The following CLINT1 variants were observed in gnomAD, a reference collection of about 807,000 sequenced individuals.
CLINT1 encodes clathrin interactor 1.
In CLINT1, 15 loss-of-function variants were observed where a neutral mutation model predicts 70.4. That is an observed-to-expected ratio of 0.21 (90% CI 0.14 to 0.33). The LOEUF is 0.33. Ranked by LOEUF, CLINT1 falls within the 10% of genes least tolerant of loss-of-function variation. CLINT1 has a pLI of 1.00. For missense variants in CLINT1, 615 were observed against 778.1 expected (o/e 0.79, Z 2.49); for synonymous variants, 227 against 254.7 (o/e 0.89, Z 1.04).
chr5:157,846,079 A>G (rs1262352848), intron 1 of CLINT1, among the ~76,000 whole-genome samples: 1 of 152,156 alleles, frequency 6.6e-6, no homozygotes, highest in Non-Finnish European at 1.5e-5. Context: ...CACAATATTG[A>G]CATTAGGTCA....
At chr5:157,837,048 C>A (rs1434919346) in intron 1 of CLINT1, among the ~76,000 whole-genome samples, 4 of 152,156 alleles carry the variant, frequency 2.6e-5, no homozygotes, top group Non-Finnish European at 5.9e-5. Context: ...ACACTTTATT[C>A]CCCTTGGGAT....
chr5:157,789,528 G>T lies in CLINT1; in HGVS notation c.1381-15C>A, dbSNP rs1265447232. ...ATATCTGTATTCTGATTATAGAGAGGATTAGGCTTCTGCAGCACTGTGCTA... is the reference window on the plus strand; with the variant it reads ...ATATCTGTATTCTGATTATAGAGAGTATTAGGCTTCTGCAGCACTGTGCTA... On this transcript the variant is annotated splice_polypyrimidine_tract_variant and intron_variant, in intron 10 of 11. Transcript: ENST00000411809. The T allele has an allele frequency of 1.9e-6, 3 of 1,613,830 alleles. No individual in the cohort carries two copies. The highest frequency in any genetic ancestry group is 2.5e-6 in the Non-Finnish European group (3 of 1,179,862).
At chr5:157,819,725 T>C (rs1762825097) in intron 1 of CLINT1, among the ~76,000 whole-genome samples, 2 of 152,218 alleles carry the variant, frequency 1.3e-5, no homozygotes, top group South Asian at 4.1e-4. Flanking sequence ...CACCCAAGCA[T>C]TTCATTACCA....
In CLINT1 at chr5:157,813,116, T is replaced by C. The variant is rs1226339497; in HGVS notation, c.464A>G (p.Asn155Ser). Residue 155 changes from asparagine (N) to serine (S), a missense_variant, in exon 5 of 12, where the codon AAC becomes AGC. Physicochemically the swap from Asn to Ser is conservative, Grantham distance 46. This residue lies in a region of CLINT1 where 241 missense variants were observed against 368.6 expected (regional missense o/e 0.65). Coordinates refer to ENST00000411809, the MANE Select transcript of CLINT1 (RefSeq NM_014666.4). ...GGAAACCCCAACATACTTGTCTTTG[T>C]TCTTCTTTGCTTTCTTTCGCTCTTC... is the stretch of plus-strand genomic sequence containing the variant. The part of the protein sequence containing the change: ...LREERKKAKK[N>S]KDKYVGVSSD... 6.2e-6 allele frequency: 10 copies of C among 1,613,834 alleles called. No homozygotes were observed. The highest frequency in any genetic ancestry group is 8.5e-6 in the Non-Finnish European group (10 of 1,179,858).
chr5:157,802,434 G>A (rs367766637), intron 8 of CLINT1, among the ~76,000 whole-genome samples: 1 of 151,816 alleles, frequency 6.6e-6, no homozygotes, highest in Non-Finnish European at 1.5e-5. Flanking sequence ...GAAAACAATT[G>A]ATCAGAAATT....
chr5:157,833,455 C>G (rs1763311680), intron 1 of CLINT1, among the ~76,000 whole-genome samples: 1 of 152,172 alleles, frequency 6.6e-6, no homozygotes, highest in Non-Finnish European at 1.5e-5. Context: ...GTCATTCTCT[C>G]CTGAAGAATA....
intron 8 of CLINT1, 78 bp from the exon 9 acceptor site, chr5:157,795,050 A>G (rs1230815777): frequency 8.7e-7 from 1 of 1,150,436 alleles, no homozygotes; most frequent in Non-Finnish European, 1.3e-6. Flanking sequence ...TTTTAGTGCC[A>G]CACAAAAAGT....
At chr5:157,802,924 T>C (rs1208955528) in intron 8 of CLINT1, among the ~76,000 whole-genome samples, 1 of 152,230 alleles carries the variant, frequency 6.6e-6, no homozygotes, top group Non-Finnish European at 1.5e-5. Context: ...CCATTGTTTA[T>C]CACTAGATAA....
At chr5:157,825,664 C>T (rs567050381) in intron 1 of CLINT1, among the ~76,000 whole-genome samples, 193 of 152,208 alleles carry the variant, frequency 1.3e-3, no homozygotes, top group Non-Finnish European at 2.5e-3. Flanking sequence ...ACACCACTTC[C>T]AATTTTTTCC....
intron 5 of CLINT1, among the ~76,000 whole-genome samples, chr5:157,810,050 A>G (rs923402418): frequency 2.6e-5 from 4 of 152,254 alleles, no homozygotes; most frequent in Non-Finnish European, 5.9e-5. Context: ...AATGCACAGC[A>G]CAGCATATCA....
intron 8 of CLINT1, among the ~76,000 whole-genome samples, chr5:157,801,363 C>T (rs1350660632): frequency 3.3e-5 from 5 of 151,756 alleles, no homozygotes; most frequent in African/African-American, 7.3e-5. Flanking sequence ...AAAAATCAGC[C>T]GGGCGTGGTG....
chr5:157,834,791 T>C (rs947785996), intron 1 of CLINT1, among the ~76,000 whole-genome samples: 2 of 152,202 alleles, frequency 1.3e-5, no homozygotes, highest in African/African-American at 4.8e-5. Flanking sequence ...ATTACATTTT[T>C]AAACTCTTAT....
At chr5:157,841,480 C>T (rs929580187) in intron 1 of CLINT1, among the ~76,000 whole-genome samples, 22 of 150,920 alleles carry the variant, frequency 1.5e-4, no homozygotes, top group African/African-American at 5.1e-4. Flanking sequence ...GCAGAAGAAT[C>T]GCTTGAACCT....
intron 1 of CLINT1, among the ~76,000 whole-genome samples, chr5:157,844,380 A>G (rs1310504786): frequency 1.3e-5 from 2 of 152,058 alleles, no homozygotes; most frequent in African/African-American, 4.8e-5. Flanking sequence ...GTCATTTTCT[A>G]TTTTTCATGC....
chr5:157,817,838 C>T (rs1220869188), intron 1 of CLINT1, among the ~76,000 whole-genome samples: 6 of 151,988 alleles, frequency 3.9e-5, no homozygotes, highest in African/African-American at 1.5e-4. Context: ...TTAAAAAAAA[C>T]AAAAACAAAA....
chr5:157,801,825 T>C (rs2113161968), intron 8 of CLINT1, among the ~76,000 whole-genome samples: 1 of 152,240 alleles, frequency 6.6e-6, no homozygotes, highest in African/African-American at 2.4e-5. Flanking sequence ...GGGCTTTATA[T>C]TACATTAATT....
intron 10 of CLINT1, chr5:157,790,538 G>T: frequency 2.6e-6 from 1 of 390,194 alleles, no homozygotes; most frequent in Non-Finnish European, 4.9e-6. Flanking sequence ...TGCAAATAAA[G>T]TAGACTGACT....
At chr5:157,834,143 A>G (rs1036512581) in intron 1 of CLINT1, among the ~76,000 whole-genome samples, 1 of 151,930 alleles carries the variant, frequency 6.6e-6, no homozygotes, top group Non-Finnish European at 1.5e-5. Context: ...CGGATTGCCT[A>G]AGCTCAGTTC....
At chr5:157,828,341 G>A (rs1447475915) in intron 1 of CLINT1, among the ~76,000 whole-genome samples, 1 of 152,152 alleles carries the variant, frequency 6.6e-6, no homozygotes, top group African/African-American at 2.4e-5. Flanking sequence ...ATGAAAAATA[G>A]CTTCCAAAAT....
Sources: gnomAD v4.1 joint callset for allele counts (sites outside exome capture counted in the v4.1 genomes callset) on GRCh38, gnomAD v4.1.1 for gene constraint, gnomAD v4.1.1 regional missense constraint, MANE v1.5 for transcripts, NCBI Gene and HGNC (gene_info 2026-07-23, HGNC 2026-07-21) for gene names.